The following SLIT3 variants were observed in gnomAD, a reference collection of about 807,000 sequenced individuals.
The protein encoded by SLIT3 is slit homolog 3 protein.
A neutral mutation model predicts 184.0 loss-of-function variants in SLIT3; 68 were observed. The observed-to-expected ratio is 0.37, with a 90% confidence interval of 0.30 to 0.45. The LOEUF (loss-of-function observed/expected upper bound fraction) is 0.45, where lower values mean the gene tolerates loss of function less well. Among genes scored for constraint, SLIT3 ranks in the 20% least tolerant of loss-of-function variants. The pLI, the probability that SLIT3 is intolerant of heterozygous loss-of-function variation, is 1.00. For synonymous variants in SLIT3, 831 were observed against 828.6 expected (o/e 1.00, Z -0.05); for missense variants, 1,707 against 2,026.0 (o/e 0.84, Z 3.02).
intron 26 of SLIT3, chr5:168,706,551 T>C (rs1256053034): frequency 6.6e-6 from 1 of 152,182 alleles, no homozygotes; most frequent in Admixed American, 6.5e-5. Context: ...CTCAATTCCA[T>C]ACATAGTATA....
chr5:168,749,617 G>T lies in SLIT3; in HGVS notation c.1992C>A (p.Pro664=). The change falls in exon 19 of 36, where the codon CCC becomes CCA. Residue 664 remains proline, a synonymous_variant. Coordinates refer to ENST00000519560, the MANE Select transcript of SLIT3 (RefSeq NM_003062.4). ...SLSTINLLSN[P]FNCNCHLAWL... ...AGGCCAGGTGGCAGTTGCAGTTGAA[G>T]GGGTTGGACAGGAGGTTTCTAGGAA... 6.2e-7 allele frequency: 1 copy of T among 1,614,188 alleles called. No individual in the cohort carries two copies.
At chr5:169,152,698 A>G (rs297827) in intron 4 of SLIT3, among the ~76,000 whole-genome samples, 99,148 of 152,088 alleles carry the variant, frequency 0.65, 33,610 homozygotes, top group African/African-American at 0.85. Context: ...AGTGTATCCA[A>G]TACCATCAGT....
intron 1 of SLIT3, among the ~76,000 whole-genome samples, chr5:169,276,388 C>T (rs947353614): frequency 6.6e-6 from 1 of 152,160 alleles, no homozygotes; most frequent in African/African-American, 2.4e-5. Context: ...CATCTTCTTC[C>T]AAGAGCTGCT....
chr5:169,289,072 CCT>C (rs1251381597), intron 1 of SLIT3, among the ~76,000 whole-genome samples: 1 of 152,154 alleles, frequency 6.6e-6, no homozygotes, highest in Non-Finnish European at 1.5e-5. Context: ...GCATCAGCCC[CCT>C]GAGATGAGTG....
At chr5:169,147,880 G>C (rs1761980361) in intron 4 of SLIT3, among the ~76,000 whole-genome samples, 1 of 152,204 alleles carries the variant, frequency 6.6e-6, no homozygotes. Context: ...CATGAAAACA[G>C]AGCTGTGTGC....
intron 14 of SLIT3, among the ~76,000 whole-genome samples, chr5:168,765,241 T>C (rs1270925640): frequency 6.6e-6 from 1 of 152,224 alleles, no homozygotes; most frequent in Non-Finnish European, 1.5e-5. Context: ...AGCCTGTAGT[T>C]AGCAGGAATC....
intron 11 of SLIT3, among the ~76,000 whole-genome samples, chr5:168,788,016 A>G (rs1198195038): frequency 2.0e-5 from 3 of 152,122 alleles, no homozygotes; most frequent in African/African-American, 7.2e-5. Flanking sequence ...CAATGCTCAC[A>G]TATATTTCAG....
chr5:169,151,043 A>C (rs973137013), intron 4 of SLIT3, among the ~76,000 whole-genome samples: 6 of 152,180 alleles, frequency 3.9e-5, no homozygotes, highest in African/African-American at 1.4e-4. Flanking sequence ...GAGGAAAAAA[A>C]AACTCTAAAA....
chr5:169,165,683 C>T lies in SLIT3; in HGVS notation c.413+27796G>A, dbSNP rs1415506455. Among the ~76,000 whole-genome samples the T allele has an allele frequency of 2.6e-5, 4 of 152,194 alleles. No homozygotes were observed. In the South Asian group the frequency reaches 8.3e-4, roughly 32 times the overall value. On this transcript the variant is annotated intron_variant, in intron 4 of 35. Coordinates refer to ENST00000519560, the MANE Select transcript of SLIT3 (RefSeq NM_003062.4). ...AGTGTCACCTTCTTATTAAAGCCTT[C>T]CTTGGCTACCTTATCTAAAATTCAC...
rs570500040 is a variant in SLIT3, at chr5:169,208,371, T to C, written c.342-14821A>G. On this transcript the variant is annotated intron_variant, in intron 3 of 35. Transcript: ENST00000519560. ...TCCTTGCAGAGGTCCTTCACATTCC[T>C]TGTTAGTGGTATTCCTAGATATTTT... Among the ~76,000 whole-genome samples, 79 of 152,354 alleles carry C rather than the reference T, an allele frequency of 5.2e-4. No homozygotes were observed. In the Middle Eastern group the frequency reaches 0.01, roughly 20 times the overall value.
At chr5:168,818,125 C>T (rs776430017) in intron 7 of SLIT3, among the ~76,000 whole-genome samples, 3 of 152,164 alleles carry the variant, frequency 2.0e-5, no homozygotes, top group Non-Finnish European at 4.4e-5. Context: ...CAGACTCTTG[C>T]AATCCATAGC....
rs1052995006 is a variant in SLIT3, at chr5:168,826,094, C to T, written c.558-2763G>A. Among the ~76,000 whole-genome samples, 27 of 152,360 alleles carry T rather than the reference C, an allele frequency of 1.8e-4. No individual in the cohort carries two copies. The Middle Eastern group carries it at 0.014, about 77-fold the overall frequency. On this transcript the variant is annotated intron_variant, in intron 6 of 35. Transcript: ENST00000519560. ...CCTGGCTCTAATTTAGCTGAATATACAGTACAATTATAAGCAGGGCCTCAA... is the reference window on the plus strand; with the variant it reads ...CCTGGCTCTAATTTAGCTGAATATATAGTACAATTATAAGCAGGGCCTCAA...
intron 6 of SLIT3, among the ~76,000 whole-genome samples, chr5:168,838,483 G>A (rs956007547): frequency 1.1e-4 from 16 of 152,118 alleles, no homozygotes; most frequent in African/African-American, 3.9e-4. Flanking sequence ...AATAATTATT[G>A]TACCATGGTA....
At chr5:168,952,571 T>TTAA (rs1491406768) in intron 4 of SLIT3, among the ~76,000 whole-genome samples, 9 of 51,748 alleles carry the variant, frequency 1.7e-4, no homozygotes, top group Admixed American at 1.3e-3. Context: ...CAAAGGGATT[T>TTAA]AAAAAAAAAA....
In SLIT3 at chr5:169,244,782, A is replaced by G. The variant is rs1421209083; in HGVS notation, c.270-6T>C. Reference sequence around the variant, plus strand: ...CCTGGTTGTCTTCCAGATGCCTACAACCACAGAGACAGCAATGACTAAGGA... The same window carrying G: ...CCTGGTTGTCTTCCAGATGCCTACAGCCACAGAGACAGCAATGACTAAGGA... On this transcript the variant is annotated splice_polypyrimidine_tract_variant and splice_region_variant and intron_variant, in intron 2 of 35. Coordinates refer to ENST00000519560, the MANE Select transcript of SLIT3 (RefSeq NM_003062.4). 1 of 1,613,370 alleles carries G rather than the reference A, an allele frequency of 6.2e-7. No individual in the cohort carries two copies. The highest frequency in any genetic ancestry group is 8.5e-7 in the Non-Finnish European group (1 of 1,179,818).
chr5:169,012,892 T>C (rs1756209859), intron 4 of SLIT3: 1 of 152,206 alleles, frequency 6.6e-6, no homozygotes, highest in South Asian at 2.1e-4. Context: ...GGGCCACTTA[T>C]CTAACCTCTC....
intron 20 of SLIT3, among the ~76,000 whole-genome samples, chr5:168,727,048 G>A (rs151195136): frequency 2.7e-5 from 4 of 150,902 alleles, no homozygotes; most frequent in East Asian, 2.0e-4. Flanking sequence ...GGCTGGGCAC[G>A]GTGGCTCACT....
intron 4 of SLIT3, among the ~76,000 whole-genome samples, chr5:168,930,253 A>C (rs1270289529): frequency 2.0e-5 from 3 of 152,174 alleles, no homozygotes; most frequent in Admixed American, 6.5e-5. Flanking sequence ...ATTTGGCTGG[A>C]AAGTGGGGAG....
intron 3 of SLIT3, among the ~76,000 whole-genome samples, chr5:169,213,434 A>G (rs1201516108): frequency 1.3e-5 from 2 of 152,212 alleles, no homozygotes; most frequent in African/African-American, 4.8e-5. Context: ...AACTACTTTA[A>G]ACTTCATATA....
Sources: allele counts gnomAD v4.1 joint callset (sites outside exome capture counted in the v4.1 genomes callset), GRCh38; gene constraint gnomAD v4.1.1; transcripts MANE v1.5; gene names NCBI Gene and HGNC (gene_info 2026-07-23, HGNC 2026-07-21).